The following RABEPK variants were observed in gnomAD, a reference collection of about 807,000 sequenced individuals.
RABEPK encodes the protein 40 kDa Rab9 effector protein.
RABEPK carries 27 observed loss-of-function variants against 34.1 expected under a neutral mutation model. The observed-to-expected ratio is 0.79, with a 90% CI of 0.58 to 1.09. The LOEUF (loss-of-function observed/expected upper bound fraction) is 1.09, where lower values mean the gene tolerates loss of function less well. Among genes scored for constraint, RABEPK ranks in the 50% least tolerant of loss-of-function variants. The pLI is 0.00. For synonymous variants in RABEPK, 172 were observed against 169.2 expected, an observed-to-expected ratio of 1.02 and a Z score of -0.13; for missense variants, 449 against 462.6, an observed-to-expected ratio of 0.97 and a Z score of 0.27.
intron 5 of RABEPK, among the ~76,000 whole-genome samples, chr9:125,225,331 G>A (rs932595720): frequency 6.6e-6 from 1 of 151,186 alleles, no homozygotes; most frequent in Non-Finnish European, 1.5e-5. Context: ...GTTGCAGTGA[G>A]AGCCAAGATC....
intron 3 of RABEPK, among the ~76,000 whole-genome samples, chr9:125,212,420 C>T (rs1830645471): frequency 6.6e-6 from 1 of 152,142 alleles, no homozygotes; most frequent in African/African-American, 2.4e-5. Flanking sequence ...AGGGTTTCAC[C>T]ATGTTAGCCA....
In RABEPK at chr9:125,200,570, C is replaced by G. The variant is rs887861779; in HGVS notation, c.-343C>G. ...GTCACGGCTCGCGACTGGCCTAAGT[C>G]GCCGCAGGTATTGCAGTCCGGGGCT... On this transcript the variant is annotated 5_prime_UTR_variant, in exon 1 of 8. Coordinates refer to ENST00000373538, the MANE Select transcript of RABEPK (RefSeq NM_005833.4). 2.5e-6 allele frequency: 1 copy of G among 405,902 alleles called. No individual in the cohort carries two copies. Among genetic ancestry groups the G allele is most frequent in the African/African-American group, 2.0e-5 (1 of 48,966 alleles). The allele number at this position is 405,902 out of a possible 1,614,324, so 25.1% of individuals were successfully genotyped here.
intron 2 of RABEPK, 86 bp downstream of exon 2, chr9:125,203,152 A>C: frequency 8.5e-7 from 1 of 1,178,328 alleles, no homozygotes; most frequent in Non-Finnish European, 1.3e-6. Flanking sequence ...ATCATCAACA[A>C]AAAGGGGTAG....
chr9:125,220,408 G>A, intron 4 of RABEPK, 131 bp from the exon 5 acceptor site: 1 of 1,477,968 alleles, frequency 6.8e-7, no homozygotes, highest in Non-Finnish European at 9.0e-7. Flanking sequence ...GTGAGTATGA[G>A]ATCCCTGCCC....
At chr9:125,211,017 G>A (rs1457312085) in intron 3 of RABEPK, among the ~76,000 whole-genome samples, 5 of 149,706 alleles carry the variant, frequency 3.3e-5, no homozygotes, top group African/African-American at 1.2e-4. Context: ...GGCGGATCAC[G>A]AGGTCAGGAG....
rs1434442647 is a variant in RABEPK at position 125,200,549 on chromosome 9, C to T, written c.-364C>T. The T allele has an allele frequency of 1.3e-5, 5 of 379,716 alleles. No homozygotes were observed. Among genetic ancestry groups the T allele is most frequent in the Non-Finnish European group, 1.6e-5 (3 of 183,642 alleles). The allele number at this position is 379,716 out of a possible 1,614,324, so 23.5% of individuals were successfully genotyped here. On this transcript the variant is annotated 5_prime_UTR_variant, in exon 1 of 8. In the 5' UTR this introduces an upstream ATG that the reference lacks. Coordinates refer to ENST00000373538, the MANE Select transcript of RABEPK (RefSeq NM_005833.4). Reference sequence around the variant, plus strand: ...GCCCCGCCCCTCCGGGGTGGAGTCACGGCTCGCGACTGGCCTAAGTCGCCG... The same window carrying T: ...GCCCCGCCCCTCCGGGGTGGAGTCATGGCTCGCGACTGGCCTAAGTCGCCG...
intron 3 of RABEPK, among the ~76,000 whole-genome samples, chr9:125,208,868 T>G (rs533467176): frequency 2.0e-5 from 3 of 152,022 alleles, no homozygotes; most frequent in South Asian, 2.1e-4. Flanking sequence ...TGTCTGTCCA[T>G]TTCCACTACT....
chr9:125,203,058 A>G lies in RABEPK; in HGVS notation c.45A>G (p.Lys15=), dbSNP rs1830006557. ...TGGAACCTGGAGACAAGCCCAGGAA[A>G]GCAACATGGTCTGTAAGGAAGGATC... is the stretch of plus-strand genomic sequence containing the variant. ...PVLEPGDKPR[K]ATWYTLTVPG... Residue 15 remains lysine (K), a synonymous_variant, in exon 2 of 8, where the codon AAA becomes AAG. Coordinates refer to ENST00000373538, the MANE Select transcript of RABEPK (RefSeq NM_005833.4). The G allele has an allele frequency of 6.2e-7, 1 of 1,613,412 alleles. No homozygotes were observed. The highest frequency in any genetic ancestry group is 8.5e-7 in the Non-Finnish European group (1 of 1,179,488).
intron 4 of RABEPK, 106 bp from the exon 5 acceptor site, chr9:125,220,433 C>T: frequency 2.0e-6 from 3 of 1,503,286 alleles, no homozygotes; most frequent in Non-Finnish European, 1.8e-6. Flanking sequence ...CTATGCTGGC[C>T]CCCCTGGGGA....
At chr9:125,228,420 G>A (rs1388281235) in intron 6 of RABEPK, among the ~76,000 whole-genome samples, 1 of 152,146 alleles carries the variant, frequency 6.6e-6, no homozygotes, top group African/African-American at 2.4e-5. Context: ...ACCTTGGGAG[G>A]CTGAGGCAGG....
chr9:125,231,160 G>A (rs1171057492), intron 6 of RABEPK, among the ~76,000 whole-genome samples: 1 of 151,844 alleles, frequency 6.6e-6, no homozygotes, highest in East Asian at 2.0e-4. Flanking sequence ...AAAATTAGCC[G>A]GGTGTGGCGG....
At position 125,203,063 on chromosome 9, in the gene RABEPK, C is replaced by T. The variant is rs1830007199; in HGVS notation, c.50C>T (p.Thr17Ile). Residue 17 changes from threonine (T) to isoleucine (I), a missense_variant, in exon 2 of 8, where the codon ACA (threonine) becomes ATA (isoleucine). Thr to Ile is a moderately conservative substitution (Grantham distance 89, BLOSUM62 -1). Coordinates refer to ENST00000373538, the MANE Select transcript of RABEPK (RefSeq NM_005833.4). The stretch of plus-strand genomic sequence containing the variant: ...CCTGGAGACAAGCCCAGGAAAGCAA[C>T]ATGGTCTGTAAGGAAGGATCCAGAC... ...LEPGDKPRKA[T>I]WYTLTVPGDS... 2.5e-6 allele frequency: 4 copies of T among 1,612,950 alleles called. No homozygotes were observed. The Admixed American group carries it at 6.7e-5, about 27-fold the overall frequency.
chr9:125,221,304 C>T (rs1053059996), intron 5 of RABEPK: 5 of 152,032 alleles, frequency 3.3e-5, no homozygotes, highest in Admixed American at 3.3e-4. Context: ...TGAAACCAGC[C>T]TGGCCATCAT....
At chr9:125,224,069 C>T (rs1831548857) in intron 5 of RABEPK, among the ~76,000 whole-genome samples, 1 of 151,764 alleles carries the variant, frequency 6.6e-6, no homozygotes, top group African/African-American at 2.4e-5. Context: ...GCGGCAGGTG[C>T]CTATAATCCC....
chr9:125,203,802 G>A (rs1489414162), intron 2 of RABEPK, among the ~76,000 whole-genome samples: 1 of 151,912 alleles, frequency 6.6e-6, no homozygotes, highest in Non-Finnish European at 1.5e-5. Context: ...GGAGGCCAAG[G>A]CGGGTGGATC....
chr9:125,218,207 C>A (rs1455366411), intron 4 of RABEPK, among the ~76,000 whole-genome samples: 1 of 151,120 alleles, frequency 6.6e-6, no homozygotes, highest in African/African-American at 2.4e-5. Context: ...GTAGTCCCAG[C>A]TGCTCGGGAG....
chr9:125,220,502 C>G, intron 4 of RABEPK, 37 bp from the exon 5 acceptor site: 6 of 1,593,022 alleles, frequency 3.8e-6, no homozygotes, highest in East Asian at 4.5e-5. Flanking sequence ...GCCCCTCTAC[C>G]TGGATATTTT....
chr9:125,222,863 G>A (rs1022467976), intron 5 of RABEPK, among the ~76,000 whole-genome samples: 1 of 152,046 alleles, frequency 6.6e-6, no homozygotes, highest in Admixed American at 6.6e-5. Flanking sequence ...TTAGAGTCAG[G>A]GTCTCACTGC....
chr9:125,225,819 C>T (rs976957663), intron 5 of RABEPK, among the ~76,000 whole-genome samples: 31 of 151,734 alleles, frequency 2.0e-4, no homozygotes, highest in African/African-American at 5.8e-4. Context: ...AAAAATTAGC[C>T]GGGCTTGGTG....
Sources: gnomAD v4.1 joint callset for allele counts (sites outside exome capture counted in the v4.1 genomes callset) on GRCh38, gnomAD v4.1.1 for gene constraint, MANE v1.5 for transcripts, NCBI Gene and HGNC (gene_info 2026-07-23, HGNC 2026-07-21) for gene names.